Variants in RIMBP2 observed in about 807,000 individuals in gnomAD.
The protein encoded by RIMBP2 is RIMS-binding protein 2.
A neutral mutation model predicts 118.6 loss-of-function variants in RIMBP2; 48 were observed. The observed-to-expected ratio is 0.40, with a 90% CI of 0.32 to 0.51. The LOEUF (loss-of-function observed/expected upper bound fraction) is 0.51, where lower values mean the gene tolerates loss of function less well. Among genes scored for constraint, RIMBP2 ranks in the 20% least tolerant of loss-of-function variants. RIMBP2 has a pLI of 0.41. For synonymous variants in RIMBP2, 762 were observed against 742.9 expected, an observed-to-expected ratio of 1.03 and a Z score of -0.42; for missense variants, 1,551 against 1,768.3, an observed-to-expected ratio of 0.88 and a Z score of 2.20.
chr12:130,434,626 A>G lies in RIMBP2; in HGVS notation c.2253+108T>C, dbSNP rs1593279387. The G allele has an allele frequency of 3.2e-6, 4 of 1,259,704 alleles. No homozygotes were observed. In the African/African-American group the frequency reaches 4.6e-5, roughly 14 times the overall value. 78.0% of individuals were successfully genotyped at this position (1,259,704 alleles called of 1,614,324 possible). On this transcript the variant is annotated intron_variant, in intron 14 of 22. Coordinates refer to ENST00000690449, the MANE Select transcript of RIMBP2 (RefSeq NM_001393629.1). The surrounding 1 kb of genome is among the most constrained non-coding windows in gnomAD (Gnocchi z 5.7). ...CCAGCTGGGCGTCTCCATCTCTCTC[A>G]GGGACCCAAGGGTAGCGGGGAAAGT...
chr12:130,409,764 C>T (rs532764588), intron 19 of RIMBP2, among the ~76,000 whole-genome samples: 49 of 152,284 alleles, frequency 3.2e-4, no homozygotes, highest in African/African-American at 1.1e-3. Context: ...TTGTGTGGGG[C>T]GCCTTCGTTC....
At position 130,396,276 on chromosome 12, in the gene RIMBP2, G is replaced by A. The variant is rs567850648; in HGVS notation, c.*1085C>T. 7 of 152,628 alleles carry A rather than the reference G, an allele frequency of 4.6e-5. No individual in the cohort carries two copies. Among genetic ancestry groups the A allele is most frequent in the South Asian group, 2.1e-4 (1 of 4,830 alleles). The allele number at this position is 152,628 out of a possible 1,614,324, so 9.5% of individuals were successfully genotyped here. A position where few individuals can be genotyped will look rare whatever the true frequency, so the allele number is the denominator to read the frequency against. On this transcript the variant is annotated 3_prime_UTR_variant, in exon 23 of 23. Transcript: ENST00000690449. ...CTATTATATTACAATTTATAATAGC[G>A]TTTTTGAAGACACAATGGGGAAAGC...
At chr12:130,543,060 A>G (rs1385064774) in intron 2 of RIMBP2, among the ~76,000 whole-genome samples, 2 of 152,154 alleles carry the variant, frequency 1.3e-5, no homozygotes, top group African/African-American at 2.4e-5. Context: ...ATGAACTGAG[A>G]AGGTATGTGC....
chr12:130,595,982 G>A (rs1184400851), intron 2 of RIMBP2, among the ~76,000 whole-genome samples: 1 of 152,188 alleles, frequency 6.6e-6, no homozygotes, highest in East Asian at 1.9e-4. Context: ...AATCTGCTGT[G>A]CAGTTTCTGA....
rs146089485 is a variant in RIMBP2, at chr12:130,457,503, C to G, written c.154-803G>C. ...TGGGCAAAGCCCCGCTCCCTGCTCCCCTGGGACTTGAGCTCTACATAAGAC... is the reference window on the plus strand; with the variant it reads ...TGGGCAAAGCCCCGCTCCCTGCTCCGCTGGGACTTGAGCTCTACATAAGAC... On this transcript the variant is annotated intron_variant, in intron 6 of 22. Transcript: ENST00000690449. Among the ~76,000 whole-genome samples, 952 of 152,338 alleles carry G rather than the reference C, an allele frequency of 6.2e-3. 17 individuals carry two copies. Among genetic ancestry groups the G allele is most frequent in the African/African-American group, 0.022 (925 of 41,586 alleles).
chr12:130,500,195 C>T (rs1420636858), intron 4 of RIMBP2, among the ~76,000 whole-genome samples: 1 of 152,186 alleles, frequency 6.6e-6, no homozygotes, highest in Non-Finnish European at 1.5e-5. Context: ...TGCAGTGGCT[C>T]ATACTTGTAA....
rs190843235 is a variant in RIMBP2, at chr12:130,534,524, C to T, written c.-216-16607G>A. Among the ~76,000 whole-genome samples the T allele has an allele frequency of 5.9e-5, 9 of 152,322 alleles. No individual in the cohort carries two copies. The East Asian group carries it at 1.4e-3, about 23-fold the overall frequency. ...TACACAATATATCCATGTAGCAAAA[C>T]TGCACTTGTACCCCTTAAATATATG... On this transcript the variant is annotated intron_variant, in intron 2 of 22. Coordinates refer to ENST00000690449, the MANE Select transcript of RIMBP2 (RefSeq NM_001393629.1).
At chr12:130,711,390 T>C (rs1347512619) in intron 1 of RIMBP2, among the ~76,000 whole-genome samples, 1 of 152,252 alleles carries the variant, frequency 6.6e-6, no homozygotes, top group Non-Finnish European at 1.5e-5. Context: ...TCTAATTTAC[T>C]AATACTTGAC....
At chr12:130,628,085 G>T (rs980306893) in intron 2 of RIMBP2, among the ~76,000 whole-genome samples, 7 of 152,244 alleles carry the variant, frequency 4.6e-5, no homozygotes, top group Non-Finnish European at 8.8e-5. Context: ...AGATTTTCAG[G>T]CATCAAGTTC....
intron 12 of RIMBP2, 31 bp downstream of exon 12, chr12:130,438,334 A>ATCCGGGGGGGGGCCCCCCCCCCCC: frequency 7.4e-7 from 1 of 1,344,518 alleles, no homozygotes; most frequent in Non-Finnish European, 1.1e-6. Context: ...GGGCCTAACA[A>ATCCGGGGGGGGGCCCCCCCCCCCC]ACCCTCCCCA....
chr12:130,408,068 T>G (rs2075343501), intron 19 of RIMBP2, among the ~76,000 whole-genome samples: 1 of 152,132 alleles, frequency 6.6e-6, no homozygotes, highest in African/African-American at 2.4e-5. Context: ...AACATGAACC[T>G]TTTCCTTCCT....
At position 130,412,693 on chromosome 12, in the gene RIMBP2, G is replaced by A. The variant is rs1174411381; in HGVS notation, c.3515C>T (p.Ala1172Val). Residue 1172 changes from alanine to valine, a missense_variant, in exon 19 of 23, where the codon GCA becomes GTA. Around this residue, in one of 5 missense-constraint regions of RIMBP2, gnomAD observed 1,038 missense variants for 1,125.1 expected, o/e 0.92. Transcript: ENST00000690449. ...IPCNMVSEIQ[A>V]DDEEMMDQLL... Reference sequence around the variant, plus strand: ...CTGATCCATCATCTCCTCATCATCTGCTTGTATCTCAGAGACCATGTTACA... The same window carrying A: ...CTGATCCATCATCTCCTCATCATCTACTTGTATCTCAGAGACCATGTTACA... 3 of 1,613,558 alleles carry A rather than the reference G, an allele frequency of 1.9e-6. No individual in the cohort carries two copies. The African/African-American group carries it at 4.0e-5, about 22-fold the overall frequency.
At chr12:130,498,811 C>A (rs1000889654) in intron 4 of RIMBP2, among the ~76,000 whole-genome samples, 1 of 152,234 alleles carries the variant, frequency 6.6e-6, no homozygotes, top group African/African-American at 2.4e-5. Flanking sequence ...GCCATCTGAG[C>A]GTAACTACCC....
rs530477009 is a variant in RIMBP2, at chr12:130,623,823, C to A, written c.-217+4499G>T. 6.6e-6 allele frequency among the ~76,000 whole-genome samples: 1 copy of A among 152,108 alleles called. No homozygotes were observed. Among genetic ancestry groups the A allele is most frequent in the African/African-American group, 2.4e-5 (1 of 41,394 alleles). On this transcript the variant is annotated intron_variant, in intron 2 of 22. Coordinates refer to ENST00000690449, the MANE Select transcript of RIMBP2 (RefSeq NM_001393629.1). The surrounding 1 kb of genome is among the most constrained non-coding windows in gnomAD (Gnocchi z 4.1). ...TGCTGGTGGATAAATACCCCAGCTC[C>A]CTCATCCCTCAAGCAGATAATCCCA...
chr12:130,499,526 TC>T (rs1282171450), intron 4 of RIMBP2, among the ~76,000 whole-genome samples: 1 of 152,166 alleles, frequency 6.6e-6, no homozygotes, highest in Non-Finnish European at 1.5e-5. Context: ...AGTGATCTGC[TC>T]CAAGTCATCT....
In RIMBP2 at chr12:130,428,335, C is replaced by T. The variant is rs756144691; in HGVS notation, c.2256G>A (p.Pro752=). The change falls in exon 15 of 23, where the codon CCG becomes CCA. Residue 752 remains proline, a splice_region_variant and synonymous_variant. Coordinates refer to ENST00000690449, the MANE Select transcript of RIMBP2 (RefSeq NM_001393629.1). ...FLKGSELGKQ[P]HCCHGDEYHT... is the part of the protein sequence containing the mutation. ...GGTACTCGTCTCCATGGCAACAGTG[C>T]GGCTGGGGGCCAAGAAAAGGGGCTA... is the stretch of plus-strand genomic sequence containing the variant. 3.3e-5 allele frequency: 53 copies of T among 1,602,856 alleles called. No individual in the cohort carries two copies. The highest frequency in any genetic ancestry group is 9.0e-5 in the South Asian group (8 of 89,140).
intron 2 of RIMBP2, among the ~76,000 whole-genome samples, chr12:130,579,554 G>A (rs2058322276): frequency 6.6e-6 from 1 of 152,076 alleles, no homozygotes; most frequent in Non-Finnish European, 1.5e-5. Flanking sequence ...GAATACTTTT[G>A]CCAGAGTAAA....
chr12:130,437,522 TCAGGCCAGTGACGTC>T (rs2077622941), intron 12 of RIMBP2, among the ~76,000 whole-genome samples: 1 of 152,154 alleles, frequency 6.6e-6, no homozygotes, highest in Non-Finnish European at 1.5e-5. Context: ...GAGGGTTCCG[TCAGGCCAGTGACGTC>T]AACCATTTAT....
chr12:130,417,425 G>A (rs1056674691), intron 17 of RIMBP2, among the ~76,000 whole-genome samples: 2 of 152,184 alleles, frequency 1.3e-5, no homozygotes, highest in Admixed American at 6.5e-5. Context: ...ACAAAATCAC[G>A]TCCTCTGCAG....
Sources: allele counts gnomAD v4.1 joint callset (sites outside exome capture counted in the v4.1 genomes callset), GRCh38; gene constraint gnomAD v4.1.1; regional missense constraint gnomAD v4.1.1; non-coding constraint Gnocchi (gnomAD v3.1); transcripts MANE v1.5; gene names NCBI Gene and HGNC (gene_info 2026-07-23, HGNC 2026-07-21).